The following ENAH variants were observed in gnomAD, a reference collection of about 807,000 sequenced individuals.
The protein encoded by ENAH is ENAH actin regulator.
Under a neutral mutation model 78.7 loss-of-function variants are expected in ENAH, and 23 were observed. That is an observed-to-expected ratio of 0.29 (90% CI 0.21 to 0.41). The LOEUF is 0.41. ENAH is among the 10% of genes least tolerant of loss of function. The probability of loss-of-function intolerance (pLI) is 1.00; values close to 1 mark genes in which losing one functional copy is unlikely to be tolerated. For synonymous variants in ENAH, 226 were observed against 241.0 expected (o/e 0.94, Z 0.58); for missense variants, 544 against 691.0 (o/e 0.79, Z 2.39).
At chr1:225,627,507 T>C (rs1350542670) in intron 1 of ENAH, among the ~76,000 whole-genome samples, 1 of 152,218 alleles carries the variant, frequency 6.6e-6, no homozygotes, top group African/African-American at 2.4e-5. Context: ...CACTGCAAAG[T>C]GGCTCGAGGC....
chr1:225,647,810 C>G (rs1469681887), intron 1 of ENAH, among the ~76,000 whole-genome samples: 1 of 152,086 alleles, frequency 6.6e-6, no homozygotes, highest in Non-Finnish European at 1.5e-5. Context: ...CACAGGCCAC[C>G]CACTATTTGC....
Position 225,514,905 on chromosome 1 carries a change from G to A in ENAH, c.914-5C>T. 6.2e-7 allele frequency: 1 copy of A among 1,609,846 alleles called. No individual in the cohort carries two copies. Among genetic ancestry groups the A allele is most frequent in the South Asian group, 1.1e-5 (1 of 90,532 alleles). Reference sequence around the variant, plus strand: ...CAAGTGGTCCCAAGACAATGCCTGAGAGAGAGAAATGTTAAGTAAGACCAT... The same window carrying A: ...CAAGTGGTCCCAAGACAATGCCTGAAAGAGAGAAATGTTAAGTAAGACCAT... On this transcript the variant is annotated splice_region_variant and splice_polypyrimidine_tract_variant and intron_variant, in intron 6 of 13. Coordinates refer to ENST00000366843, the MANE Select transcript of ENAH (RefSeq NM_018212.6).
At chr1:225,624,250 C>A (rs971512412) in intron 1 of ENAH, among the ~76,000 whole-genome samples, 2 of 151,196 alleles carry the variant, frequency 1.3e-5, no homozygotes, top group African/African-American at 4.9e-5. Flanking sequence ...CCAGCCTGGG[C>A]AACACAGCAA....
intron 1 of ENAH, among the ~76,000 whole-genome samples, chr1:225,639,443 A>G (rs1286007671): frequency 1.3e-5 from 2 of 152,148 alleles, no homozygotes; most frequent in African/African-American, 2.4e-5. Flanking sequence ...CACCCCCATC[A>G]ATCGATTAAT....
At chr1:225,594,339 C>A (rs2096892221) in intron 1 of ENAH, among the ~76,000 whole-genome samples, 1 of 152,238 alleles carries the variant, frequency 6.6e-6, no homozygotes, top group Non-Finnish European at 1.5e-5. Flanking sequence ...ACTGGGGCAA[C>A]AGTCTCTCTT....
Position 225,498,415 on chromosome 1 carries a change from A to G in ENAH, c.1618-11T>C, listed in dbSNP as rs2096261758. 3 of 1,509,302 alleles carry G rather than the reference A, an allele frequency of 2.0e-6. No individual in the cohort carries two copies. The highest frequency in any genetic ancestry group is 2.7e-6 in the Non-Finnish European group (3 of 1,093,826). 93.5% of individuals were successfully genotyped at this position (1,509,302 alleles called of 1,614,324 possible). ...TTCATCTAAAATGTCCTAAAATATT[A>G]GAGAAAAATACCAGAAATACAGAAC... On this transcript the variant is annotated splice_polypyrimidine_tract_variant and intron_variant, in intron 12 of 13. Coordinates refer to ENST00000366843, the MANE Select transcript of ENAH (RefSeq NM_018212.6).
intron 1 of ENAH, among the ~76,000 whole-genome samples, chr1:225,624,445 G>A (rs1657566493): frequency 6.6e-6 from 1 of 152,042 alleles, no homozygotes; most frequent in Admixed American, 6.6e-5. Context: ...CCAACATGGT[G>A]AAACCGCGTC....
rs1241727494 is a variant in ENAH at position 225,518,088 on chromosome 1, G to A, written c.803-782C>T. On this transcript the variant is annotated intron_variant, in intron 5 of 13. Transcript: ENST00000366843. Reference sequence around the variant, plus strand: ...CACAAAACCAGCATTCAGACACAATGTATAAATGTAGACTACAGTTAGTAT... The same window carrying A: ...CACAAAACCAGCATTCAGACACAATATATAAATGTAGACTACAGTTAGTAT... 4.9e-6 allele frequency: 5 copies of A among 1,018,920 alleles called. No homozygotes were observed. The African/African-American group carries it at 8.1e-5, about 17-fold the overall frequency. The allele number at this position is 1,018,920 out of a possible 1,614,324, so 63.1% of individuals were successfully genotyped here.
rs749242764 is a variant in ENAH, at chr1:225,519,518, A to C, written c.482T>G (p.Leu161Arg). 1.9e-6 allele frequency: 3 copies of C among 1,611,824 alleles called. No homozygotes were observed. Among genetic ancestry groups the C allele is most frequent in the Non-Finnish European group, 2.5e-6 (3 of 1,179,564 alleles). ...QRQKELERER[L>R]ERERMERERL... ...TTCTCTTTCCATTCTTTCTCGCTCC[A>C]GCCTTTCCCGCTCCAGCTCCTTTTG... Residue 161 changes from leucine (L) to arginine (R), a missense_variant, in exon 5 of 14, where the codon CTG becomes CGG. Physicochemically the swap from Leu to Arg is moderately radical, Grantham distance 102. Coordinates refer to ENST00000366843, the MANE Select transcript of ENAH (RefSeq NM_018212.6).
chr1:225,519,328 C>G lies in ENAH; in HGVS notation c.672G>C (p.Arg224=). Residue 224 remains arginine (R), a synonymous_variant, in exon 5 of 14, where the codon CGG becomes CGC. Coordinates refer to ENST00000366843, the MANE Select transcript of ENAH (RefSeq NM_018212.6). ...CTCGTTCTTGTCTTTCTTGCCTCTC[C>G]CGATCCAGGCGTTCCTGCCGCTCCA... The part of the protein sequence containing the change: ...ERLERQERLD[R]ERQERQERER... 3.1e-6 allele frequency: 5 copies of G among 1,613,808 alleles called. No homozygotes were observed. The highest frequency in any genetic ancestry group is 3.4e-6 in the Non-Finnish European group (4 of 1,179,884).
At chr1:225,568,360 G>A (rs571746488) in intron 1 of ENAH, among the ~76,000 whole-genome samples, 3 of 152,162 alleles carry the variant, frequency 2.0e-5, no homozygotes, top group African/African-American at 7.2e-5. Context: ...TCAAGACCCC[G>A]TCTCTATATT....
intron 1 of ENAH, among the ~76,000 whole-genome samples, chr1:225,588,026 G>A (rs114473515): frequency 0.014 from 2,094 of 152,264 alleles, 22 homozygotes; most frequent in Non-Finnish European, 0.022. Flanking sequence ...TAAACTTGGA[G>A]AAGGAAACCT....
At chr1:225,501,152 C>T (rs926825478) in intron 11 of ENAH, 82 bp from the exon 12 acceptor site, 9 of 997,042 alleles carry the variant, frequency 9.0e-6, no homozygotes, top group Non-Finnish European at 1.4e-5. Context: ...ATTTACCAAC[C>T]CAACACCAGA....
intron 1 of ENAH, among the ~76,000 whole-genome samples, chr1:225,603,777 C>T (rs1221632199): frequency 6.6e-6 from 1 of 152,082 alleles, no homozygotes; most frequent in Non-Finnish European, 1.5e-5. Context: ...CAAAATTAGA[C>T]CATCAGCCAA....
At chr1:225,578,062 G>A (rs1020089291) in intron 1 of ENAH, among the ~76,000 whole-genome samples, 4 of 152,136 alleles carry the variant, frequency 2.6e-5, no homozygotes, top group African/African-American at 9.7e-5. Flanking sequence ...TGGAGACAGA[G>A]AATAATAAAG....
intron 4 of ENAH, among the ~76,000 whole-genome samples, chr1:225,530,339 C>CA (rs903598300): frequency 1.4e-3 from 213 of 149,968 alleles, no homozygotes; most frequent in African/African-American, 4.0e-3. Flanking sequence ...ATAATTTTTA[C>CA]AAAAAAAAAC....
At chr1:225,533,115 T>C (rs556673876) in intron 3 of ENAH, among the ~76,000 whole-genome samples, 56 of 152,272 alleles carry the variant, frequency 3.7e-4, no homozygotes, top group African/African-American at 1.3e-3. Context: ...AACTAGCACA[T>C]TGAAATTTAT....
chr1:225,622,799 G>A (rs1157210936), intron 1 of ENAH, among the ~76,000 whole-genome samples: 1 of 152,180 alleles, frequency 6.6e-6, no homozygotes, highest in Non-Finnish European at 1.5e-5. Context: ...ATGGCAGAAT[G>A]ACATAACCAC....
At chr1:225,597,115 G>A (rs1012987517) in intron 1 of ENAH, among the ~76,000 whole-genome samples, 5 of 152,042 alleles carry the variant, frequency 3.3e-5, no homozygotes, top group African/African-American at 4.8e-5. Flanking sequence ...CATGTAGGAC[G>A]TATACCCAAA....
Sources: allele counts gnomAD v4.1 joint callset (sites outside exome capture counted in the v4.1 genomes callset), GRCh38; gene constraint gnomAD v4.1.1; transcripts MANE v1.5; gene names NCBI Gene and HGNC (gene_info 2026-07-23, HGNC 2026-07-21).